The following LTBP1 variants were observed in gnomAD, a reference collection of about 807,000 sequenced individuals.
LTBP1 encodes the protein latent-transforming growth factor beta-binding protein 1.
Under a neutral mutation model 207.6 loss-of-function variants are expected in LTBP1, and 129 were observed. The ratio of observed to expected loss-of-function variants is 0.62; its 90% confidence interval spans 0.54 to 0.72. LTBP1 has a LOEUF of 0.72. LTBP1 is among the 30% of genes least tolerant of loss of function. The pLI is 0.00. For missense variants in LTBP1, 2,281 were observed against 2,217.2 expected, an observed-to-expected ratio of 1.03 and a Z score of -0.58; for synonymous variants, 963 against 833.7, an observed-to-expected ratio of 1.16 and a Z score of -2.67.
chr2:33,190,292 A>T (rs146004398), intron 7 of LTBP1, among the ~76,000 whole-genome samples: 2 of 152,318 alleles, frequency 1.3e-5, no homozygotes, highest in African/African-American at 4.8e-5. Context: ...TAGATGAGAT[A>T]CATTTATTAT....
At chr2:33,263,094 T>C (rs933724455) in intron 14 of LTBP1, among the ~76,000 whole-genome samples, 200 bp from the exon 15 acceptor site, 1 of 152,172 alleles carries the variant, frequency 6.6e-6, no homozygotes, top group Non-Finnish European at 1.5e-5. Context: ...TGATGAACGA[T>C]CATTTTTCTT....
At chr2:33,295,787 A>T (rs1003812504) in intron 20 of LTBP1, among the ~76,000 whole-genome samples, 1 of 152,158 alleles carries the variant, frequency 6.6e-6, no homozygotes, top group South Asian at 2.1e-4. Flanking sequence ...TAAGTGAAGG[A>T]TGTAGGGTGA....
At chr2:33,074,506 G>T (rs2077969518) in intron 3 of LTBP1, among the ~76,000 whole-genome samples, 1 of 152,196 alleles carries the variant, frequency 6.6e-6, no homozygotes, top group Non-Finnish European at 1.5e-5. Context: ...GGAGGCCAAG[G>T]TGGGTGGATC....
intron 22 of LTBP1, among the ~76,000 whole-genome samples, chr2:33,305,241 T>C (rs893592251): frequency 2.0e-5 from 3 of 152,006 alleles, no homozygotes; most frequent in African/African-American, 7.3e-5. Flanking sequence ...GAAAAATCAC[T>C]CGAACCCAGG....
At chr2:32,962,958 C>G (rs1346259833) in intron 2 of LTBP1, among the ~76,000 whole-genome samples, 4 of 152,252 alleles carry the variant, frequency 2.6e-5, no homozygotes. Flanking sequence ...CAGAACCCAT[C>G]TCCTCCTCCC....
At chr2:33,292,690 T>A (rs1431783040) in intron 19 of LTBP1, among the ~76,000 whole-genome samples, 1 of 152,218 alleles carries the variant, frequency 6.6e-6, no homozygotes, top group East Asian at 1.9e-4. Flanking sequence ...GAGCTTTTTA[T>A]TGGACTCTTT....
rs73924192 is a variant in LTBP1 at position 33,224,055 on chromosome 2, A to G, written c.1876+1904A>G. Among the ~76,000 whole-genome samples, 1,380 of 152,300 alleles carry G rather than the reference A, an allele frequency of 9.1e-3. 22 individuals are homozygous for G. Among genetic ancestry groups the G allele is most frequent in the African/African-American group, 0.032 (1,318 of 41,562 alleles). ...GCACAGTCTCTGTCCCAGGGGACTGATGGTAATGATAGCATCATAGAACTG... is the reference window on the plus strand; with the variant it reads ...GCACAGTCTCTGTCCCAGGGGACTGGTGGTAATGATAGCATCATAGAACTG... On this transcript the variant is annotated intron_variant, in intron 9 of 33. Coordinates refer to ENST00000404816, the MANE Select transcript of LTBP1 (RefSeq NM_206943.4).
At chr2:33,143,204 AC>A (rs1558697083) in intron 5 of LTBP1, among the ~76,000 whole-genome samples, 1 of 151,794 alleles carries the variant, frequency 6.6e-6, no homozygotes, top group Non-Finnish European at 1.5e-5. Flanking sequence ...CTTTTTCAAG[AC>A]TCAGCCAAGT....
intron 2 of LTBP1, among the ~76,000 whole-genome samples, chr2:32,952,060 A>G (rs1256732570): frequency 2.0e-5 from 3 of 152,320 alleles, no homozygotes; most frequent in Non-Finnish European, 4.4e-5. Context: ...GTCATGTGCA[A>G]TTGATGCGAA....
chr2:33,005,516 TATGGCACTTCTGC>T (rs1686720846), intron 2 of LTBP1, among the ~76,000 whole-genome samples: 1 of 151,908 alleles, frequency 6.6e-6, no homozygotes, highest in South Asian at 2.1e-4. Flanking sequence ...CAGGTCTTAG[TATGGCACTTCTGC>T]ATGTCACTTT....
rs1291216064 is a variant in LTBP1, at chr2:33,289,563, G to A, written c.3113-3597G>A. Among the ~76,000 whole-genome samples the A allele has an allele frequency of 2.0e-5, 3 of 152,048 alleles. No individual in the cohort carries two copies. In the East Asian group the frequency reaches 5.8e-4, roughly 29 times the overall value. On this transcript the variant is annotated intron_variant, in intron 19 of 33. Coordinates refer to ENST00000404816, the MANE Select transcript of LTBP1 (RefSeq NM_206943.4). ...AATTTGTGTGTGGAGACAGGGGCTT[G>A]CTGTGGTGGCCAGACTGGTCTCAAA...
intron 24 of LTBP1, among the ~76,000 whole-genome samples, chr2:33,342,085 A>C (rs1239121530): frequency 6.6e-6 from 1 of 152,192 alleles, no homozygotes; most frequent in African/African-American, 2.4e-5. Flanking sequence ...TAACCGTAAG[A>C]ATAAAGAAGA....
chr2:33,290,212 T>G (rs1407203501), intron 19 of LTBP1, among the ~76,000 whole-genome samples: 2 of 152,216 alleles, frequency 1.3e-5, no homozygotes, highest in Middle Eastern at 3.2e-3. Flanking sequence ...AAGACATTCA[T>G]CTATCTTAAT....
intron 5 of LTBP1, among the ~76,000 whole-genome samples, chr2:33,185,491 A>G (rs1217702149): frequency 2.0e-5 from 3 of 152,252 alleles, no homozygotes; most frequent in Admixed American, 6.5e-5. Context: ...ACATCAGTGT[A>G]TGATAGGATG....
chr2:33,186,868 T>A lies in LTBP1; in HGVS notation c.1214T>A (p.Leu405His). ...TTTTCCCTTTTAGTAATTTGCCATC[T>A]TCCATGTATGAATGGTGGCCAGTGC... ...ATNFRVVICHLPCMNGGQCSS... is the reference protein window; with the variant it reads ...ATNFRVVICHHPCMNGGQCSS... The change falls in exon 6 of 34, where the codon CTT (leucine) becomes CAT (histidine). Residue 405 changes from leucine to histidine, a missense_variant. Leu to His is a moderately conservative substitution (Grantham distance 99, BLOSUM62 -3). This residue lies in a region of LTBP1 where 55 missense variants were observed against 91.5 expected (regional missense o/e 0.60). Transcript: ENST00000404816. The A allele has an allele frequency of 6.2e-7, 1 of 1,613,726 alleles. No homozygotes were observed. The highest frequency in any genetic ancestry group is 1.1e-5 in the South Asian group (1 of 91,072).
chr2:33,064,508 A>G (rs955484910), intron 3 of LTBP1, among the ~76,000 whole-genome samples: 3 of 152,214 alleles, frequency 2.0e-5, no homozygotes, highest in African/African-American at 7.2e-5. Flanking sequence ...TTCATGGGGT[A>G]ATGCAGAGTA....
At chr2:33,185,898 C>T (rs1394485460) in intron 5 of LTBP1, among the ~76,000 whole-genome samples, 1 of 152,048 alleles carries the variant, frequency 6.6e-6, no homozygotes, top group East Asian at 1.9e-4. Context: ...AGCTGAGGGG[C>T]TTTTATTATA....
chr2:32,947,808 C>T lies in LTBP1; in HGVS notation c.484C>T (p.Gln162Ter). The T allele has an allele frequency of 2.1e-6, 3 of 1,452,858 alleles. No individual in the cohort carries two copies. The highest frequency in any genetic ancestry group is 2.4e-5 in the Admixed American group (1 of 42,530). The allele number at this position is 1,452,858 out of a possible 1,614,324, so 90.0% of individuals were successfully genotyped here. A position where few individuals can be genotyped will look rare whatever the true frequency, so the allele number is the denominator to read the frequency against. ...TAGGCTGCAGGTTCACCAGAAGCAGCAGCTGCAGGGGTAAGCCCACACCCC... is the reference window on the plus strand; with the variant it reads ...TAGGCTGCAGGTTCACCAGAAGCAGTAGCTGCAGGGGTAAGCCCACACCCC... ...GSRLQVHQKQ[Q>*]LQGVNVCGGR... is the part of the protein sequence containing the mutation. Residue 162 changes from glutamine (Q) to a stop codon, truncating the protein, a stop_gained, in exon 1 of 34, where the codon CAG becomes TAG. Coordinates refer to ENST00000404816, the MANE Select transcript of LTBP1 (RefSeq NM_206943.4). LOFTEE classifies it high-confidence loss of function.
intron 2 of LTBP1, among the ~76,000 whole-genome samples, chr2:32,992,784 G>GCAGGGGGTT (rs1188616036): frequency 6.6e-6 from 1 of 152,164 alleles, no homozygotes; most frequent in African/African-American, 2.4e-5. Flanking sequence ...AGGAGATCCT[G>GCAGGGGGTT]CAGGGGGTTC....
Sources: allele counts gnomAD v4.1 joint callset (sites outside exome capture counted in the v4.1 genomes callset), GRCh38; gene constraint gnomAD v4.1.1; regional missense constraint gnomAD v4.1.1; transcripts MANE v1.5; gene names NCBI Gene and HGNC (gene_info 2026-07-23, HGNC 2026-07-21).